The following ITGA1 variants were observed in gnomAD, a reference collection of about 807,000 sequenced individuals.
ITGA1 encodes integrin subunit alpha 1.
In ITGA1, 85 loss-of-function variants were observed where a neutral mutation model predicts 145.9. The ratio of observed to expected loss-of-function variants is 0.58; its 90% CI spans 0.49 to 0.70. ITGA1 has a LOEUF of 0.70. Among genes scored for constraint, ITGA1 ranks in the 30% least tolerant of loss-of-function variants. ITGA1 has a pLI of 0.00. For missense variants in ITGA1, 1,351 were observed against 1,418.7 expected, an observed-to-expected ratio of 0.95 and a Z score of 0.77; for synonymous variants, 520 against 495.3, an observed-to-expected ratio of 1.05 and a Z score of -0.66.
chr5:52,920,447 T>G lies in ITGA1; in HGVS notation c.2271T>G (p.Thr757=). ...TCACAGTTCGAAAATCAGAATGCAC[T>G]AAGCACTCCTTCTACATGTTGGCAA... ...RNITVRKSEC[T]KHSFYMLDKH... is the part of the protein sequence containing the mutation. The change falls in exon 17 of 29, where the codon ACT becomes ACG. Residue 757 remains threonine, a synonymous_variant. Transcript: ENST00000282588. 1 of 1,605,230 alleles carries G rather than the reference T, an allele frequency of 6.2e-7. No individual in the cohort carries two copies. Among genetic ancestry groups the G allele is most frequent in the Non-Finnish European group, 8.5e-7 (1 of 1,176,920 alleles).
chr5:52,939,725 C>A, intron 25 of ITGA1, 34 bp downstream of exon 25: 1 of 1,526,824 alleles, frequency 6.5e-7, no homozygotes, highest in Non-Finnish European at 9.1e-7. Flanking sequence ...TTACCTTTTG[C>A]TTTCCAAATG....
chr5:52,921,524 A>T (rs1750729862), intron 17 of ITGA1, among the ~76,000 whole-genome samples: 1 of 152,092 alleles, frequency 6.6e-6, no homozygotes, highest in Admixed American at 6.5e-5. Context: ...CTATTTAGTT[A>T]ATCAGAACTG....
intron 26 of ITGA1, among the ~76,000 whole-genome samples, chr5:52,941,345 C>G (rs1251410378): frequency 6.6e-6 from 1 of 152,184 alleles, no homozygotes; most frequent in Non-Finnish European, 1.5e-5. Context: ...TTTGAGAAAT[C>G]TCCAAACTGC....
rs767707503 is a variant in ITGA1, at chr5:52,864,857, A to G, written c.384+6A>G. On this transcript the variant is annotated splice_donor_region_variant and intron_variant, in intron 4 of 28. Transcript: ENST00000282588. ...ACCCAAATGGAGGATTTCTGGTAAG[A>G]ATGGAGAGAATGATATTTATTGACA... 7 of 1,588,206 alleles carry G rather than the reference A, an allele frequency of 4.4e-6. No individual in the cohort carries two copies. The highest frequency in any genetic ancestry group is 6.0e-6 in the Non-Finnish European group (7 of 1,157,238).
rs1579729815 is a variant in ITGA1, at chr5:52,937,501, TGTC to T, written c.3066_3068del (p.Ser1025del). The T allele has an allele frequency of 1.9e-6, 3 of 1,599,728 alleles. No individual in the cohort carries two copies. The highest frequency in any genetic ancestry group is 2.6e-6 in the Non-Finnish European group (3 of 1,167,074). ...TACCCTGTGCTGTACCCAACTGGAT[TGTC>T]ATCTTCTGAGGTAAGTCATGTGTGC... On this transcript the variant is annotated inframe_deletion, in exon 24 of 29. Transcript: ENST00000282588.
At chr5:52,815,288 A>G (rs62360078) in intron 1 of ITGA1, among the ~76,000 whole-genome samples, 1 of 152,088 alleles carries the variant, frequency 6.6e-6, no homozygotes, top group Non-Finnish European at 1.5e-5. Flanking sequence ...TTTCTCTCCT[A>G]CTTTCCTAGG....
intron 2 of ITGA1, among the ~76,000 whole-genome samples, chr5:52,858,217 A>G (rs6880849): frequency 0.013 from 1,954 of 152,286 alleles, 43 homozygotes; most frequent in African/African-American, 0.044. Flanking sequence ...TAATAGCTTC[A>G]TTGGTTCCCA....
At chr5:52,918,239 A>C (rs1287192349) in intron 15 of ITGA1, among the ~76,000 whole-genome samples, 3 of 152,228 alleles carry the variant, frequency 2.0e-5, no homozygotes, top group Non-Finnish European at 4.4e-5. Flanking sequence ...CTTAAGAATT[A>C]AATGAAATAG....
chr5:52,899,306 T>C (rs1265452529), intron 11 of ITGA1, among the ~76,000 whole-genome samples: 2 of 152,158 alleles, frequency 1.3e-5, no homozygotes, highest in Non-Finnish European at 2.9e-5. Context: ...ATCAGGAAGG[T>C]GGCAGGTCTT....
At chr5:52,850,115 G>A (rs1048109654) in intron 2 of ITGA1, among the ~76,000 whole-genome samples, 3 of 151,006 alleles carry the variant, frequency 2.0e-5, no homozygotes, top group Non-Finnish European at 4.4e-5. Context: ...TGATTCTCCT[G>A]CCTCAGCCTC....
intron 19 of ITGA1, among the ~76,000 whole-genome samples, chr5:52,927,199 T>C (rs567618972): frequency 6.6e-6 from 1 of 152,300 alleles, no homozygotes; most frequent in South Asian, 2.1e-4. Context: ...GGTCAGAGCC[T>C]ATGCTCTTAT....
At chr5:52,836,022 A>T (rs747535330) in intron 1 of ITGA1, among the ~76,000 whole-genome samples, 27 of 152,162 alleles carry the variant, frequency 1.8e-4, no homozygotes, top group Admixed American at 1.0e-3. Flanking sequence ...ATAGATGTTC[A>T]GTCTACCTCT....
intron 2 of ITGA1, among the ~76,000 whole-genome samples, chr5:52,857,815 A>G (rs560032471): frequency 1.2e-3 from 176 of 152,242 alleles, no homozygotes; most frequent in African/African-American, 4.0e-3. Context: ...ATGGTTTCTG[A>G]GATGTTCCCC....
chr5:52,886,011 G>A (rs766715640), intron 7 of ITGA1, among the ~76,000 whole-genome samples: 13 of 152,174 alleles, frequency 8.5e-5, no homozygotes, highest in Non-Finnish European at 1.6e-4. Flanking sequence ...ATAAGATTTA[G>A]AGGGTGGGGA....
At chr5:52,841,241 T>C (rs1409405277) in intron 1 of ITGA1, among the ~76,000 whole-genome samples, 2 of 152,248 alleles carry the variant, frequency 1.3e-5, no homozygotes, top group Non-Finnish European at 2.9e-5. Flanking sequence ...AAGTTCCAAT[T>C]GTTTGAAGGA....
chr5:52,798,422 T>A (rs1036925577), intron 1 of ITGA1, among the ~76,000 whole-genome samples: 1 of 152,102 alleles, frequency 6.6e-6, no homozygotes, highest in South Asian at 2.1e-4. Context: ...GACACTTAAG[T>A]TTAAATTGTG....
At chr5:52,880,281 T>C (rs1749937326) in intron 6 of ITGA1, among the ~76,000 whole-genome samples, 1 of 152,200 alleles carries the variant, frequency 6.6e-6, no homozygotes, top group South Asian at 2.1e-4. Context: ...ATCATGTTTC[T>C]GTTATTATAA....
intron 1 of ITGA1, chr5:52,800,240 G>T: frequency 1.5e-6 from 1 of 689,612 alleles, no homozygotes; most frequent in South Asian, 1.8e-5. Context: ...TAGGCTGCAT[G>T]AGTCGAAGCA....
intron 1 of ITGA1, among the ~76,000 whole-genome samples, chr5:52,790,227 A>AT (rs1233964568): frequency 2.0e-5 from 3 of 151,988 alleles, no homozygotes; most frequent in Non-Finnish European, 4.4e-5. Context: ...CTAATACATC[A>AT]TTTTTACTAT....
Sources: gnomAD v4.1 joint callset for allele counts (sites outside exome capture counted in the v4.1 genomes callset) on GRCh38, gnomAD v4.1.1 for gene constraint, MANE v1.5 for transcripts, NCBI Gene and HGNC (gene_info 2026-07-23, HGNC 2026-07-21) for gene names.